TFDP1: variants seen among roughly 807,000 people sequenced by gnomAD.
TFDP1 encodes transcription factor Dp-1.
Under a neutral mutation model 48.0 loss-of-function variants are expected in TFDP1, and 6 were observed. That is an observed-to-expected ratio of 0.13 (90% confidence interval 0.07 to 0.25). The LOEUF is 0.25. Ranked by LOEUF, TFDP1 falls within the 10% of genes least tolerant of loss-of-function variation. The pLI, the probability that TFDP1 is intolerant of heterozygous loss-of-function variation, is 1.00. For missense variants in TFDP1, 335 were observed against 543.0 expected (o/e 0.62, Z 3.81); for synonymous variants, 201 against 211.6 (o/e 0.95, Z 0.44).
intron 4 of TFDP1, among the ~76,000 whole-genome samples, chr13:113,625,071 C>T (rs1259249373): frequency 2.3e-5 from 3 of 128,036 alleles, no homozygotes; most frequent in African/African-American, 9.2e-5. Context: ...GTGTCTCTCA[C>T]GTGTCCTCAG....
At chr13:113,587,040 C>T (rs1055633413) in intron 2 of TFDP1, among the ~76,000 whole-genome samples, 9 of 152,196 alleles carry the variant, frequency 5.9e-5, no homozygotes, top group East Asian at 3.8e-4. Context: ...GGTTAGAGCA[C>T]GCTTCTGGTG....
intron 2 of TFDP1, among the ~76,000 whole-genome samples, chr13:113,588,102 G>A (rs756262857): frequency 2.0e-5 from 3 of 152,044 alleles, no homozygotes; most frequent in African/African-American, 7.2e-5. Flanking sequence ...CACCCACCTC[G>A]GCCTCCCAAA....
Position 113,633,065 on chromosome 13 carries a change from A to G in TFDP1, c.309-55A>G. The G allele has an allele frequency of 6.2e-7, 1 of 1,606,938 alleles. No homozygotes were observed. Among genetic ancestry groups the G allele is most frequent in the Middle Eastern group, 1.7e-4 (1 of 6,028 alleles). On this transcript the variant is annotated intron_variant, in intron 5 of 11. Transcript: ENST00000375370. This position sits in a 1 kb window ranked among gnomAD's most constrained non-coding sequence, Gnocchi z 4.5. ...CTCAGGTAAAAGCATTCCTCGATTC[A>G]GGCTGATCCTCAGGAGGGCTGACAG...
intron 2 of TFDP1, among the ~76,000 whole-genome samples, chr13:113,595,345 G>T (rs191003085): frequency 1.9e-4 from 29 of 152,316 alleles, no homozygotes; most frequent in South Asian, 1.5e-3. Flanking sequence ...GAACATAAAA[G>T]ACATCTCAGG....
intron 2 of TFDP1, among the ~76,000 whole-genome samples, chr13:113,597,596 A>C (rs2048317373): frequency 6.6e-6 from 1 of 152,238 alleles, no homozygotes; most frequent in Non-Finnish European, 1.5e-5. Context: ...CCCTCCCTAC[A>C]GGGCAGTGAG....
In TFDP1 at chr13:113,623,207, C is replaced by A; in HGVS notation, c.107C>A (p.Pro36His). 1.2e-6 allele frequency: 2 copies of A among 1,613,582 alleles called. No individual in the cohort carries two copies. The highest frequency in any genetic ancestry group is 8.5e-7 in the Non-Finnish European group (1 of 1,179,762). Residue 36 changes from proline to histidine, a missense_variant, in exon 4 of 12, where the codon CCC (proline) becomes CAC (histidine). Coordinates refer to ENST00000375370, the MANE Select transcript of TFDP1 (RefSeq NM_007111.5). This position sits in a 1 kb window ranked among gnomAD's most constrained non-coding sequence, Gnocchi z 5.2. ...KGVVSLVAVH[P>H]STVNPLGKQL... ...GTGGTGTCCCTCGTGGCCGTTCACC[C>A]CTCCACCGTCAACCCGCTCGGGAAG...
chr13:113,628,890 C>T (rs754375523), intron 4 of TFDP1, among the ~76,000 whole-genome samples: 58 of 152,112 alleles, frequency 3.8e-4, no homozygotes, highest in Non-Finnish European at 6.3e-4. Context: ...GAAGTGAGGC[C>T]GGGGGCCTGC....
intron 9 of TFDP1, 137 bp downstream of exon 9, chr13:113,636,265 G>T: frequency 8.0e-7 from 1 of 1,250,552 alleles, no homozygotes; most frequent in Non-Finnish European, 1.1e-6. Flanking sequence ...TCCATTGGGG[G>T]GTGGTGGGAG....
chr13:113,586,089 G>A (rs2047996424), intron 2 of TFDP1: 2 of 413,006 alleles, frequency 4.8e-6, no homozygotes, highest in East Asian at 6.9e-5. Context: ...TGATGGGGTG[G>A]TGCCTTCTGA....
chr13:113,590,941 C>T (rs1233845277), intron 2 of TFDP1, among the ~76,000 whole-genome samples: 2 of 129,292 alleles, frequency 1.5e-5, no homozygotes, highest in Non-Finnish European at 3.1e-5. Flanking sequence ...ACTCGGGAGG[C>T]GGAGCTTGCA....
At chr13:113,595,994 ATGGT>A (rs2048280536) in intron 2 of TFDP1, among the ~76,000 whole-genome samples, 2 of 152,202 alleles carry the variant, frequency 1.3e-5, no homozygotes, top group Non-Finnish European at 2.9e-5. Context: ...AGGCAGGAGA[ATGGT>A]GTGAACCCAG....
chr13:113,591,886 G>T (rs898822498), intron 2 of TFDP1, among the ~76,000 whole-genome samples: 2 of 152,174 alleles, frequency 1.3e-5, no homozygotes, highest in Non-Finnish European at 2.9e-5. Context: ...GATGATTCTG[G>T]TTGTTCGGGT....
At chr13:113,621,543 A>C (rs150698388) in intron 3 of TFDP1, among the ~76,000 whole-genome samples, 6 of 152,350 alleles carry the variant, frequency 3.9e-5, no homozygotes, top group Admixed American at 2.0e-4. Flanking sequence ...TATTACAATA[A>C]TCCTCACTCT....
At chr13:113,586,409 C>A (rs1217160945) in intron 2 of TFDP1, among the ~76,000 whole-genome samples, 1 of 152,138 alleles carries the variant, frequency 6.6e-6, no homozygotes, top group East Asian at 1.9e-4. Flanking sequence ...ACTTAGCCTG[C>A]TTTGCAGTTG....
At chr13:113,615,227 G>T (rs2048827303) in intron 3 of TFDP1, among the ~76,000 whole-genome samples, 1 of 152,210 alleles carries the variant, frequency 6.6e-6, no homozygotes, top group Non-Finnish European at 1.5e-5. Context: ...ATGCTGGTGT[G>T]AACATTTGCA....
rs1208870799 is a variant in TFDP1, at chr13:113,627,483, C to A, written c.187-4140C>A. Among the ~76,000 whole-genome samples, 1 of 152,224 alleles carries A rather than the reference C, an allele frequency of 6.6e-6. No homozygotes were observed. Among genetic ancestry groups the A allele is most frequent in the Admixed American group, 6.5e-5 (1 of 15,282 alleles). On this transcript the variant is annotated intron_variant, in intron 4 of 11. Coordinates refer to ENST00000375370, the MANE Select transcript of TFDP1 (RefSeq NM_007111.5). This position sits in a 1 kb window ranked among gnomAD's most constrained non-coding sequence, Gnocchi z 4.1. ...GCGCCACTGGCCCTGTCTCTCTGGA[C>A]ACCGCGGTTAACCTTGGTCCATCTC...
intron 3 of TFDP1, among the ~76,000 whole-genome samples, chr13:113,620,481 G>T (rs58651225): frequency 8.5e-5 from 13 of 152,230 alleles, no homozygotes; most frequent in Non-Finnish European, 1.5e-4. Context: ...AATTTTAAAA[G>T]ATGTTATCTT....
chr13:113,603,505 C>A (rs2048491683), intron 2 of TFDP1, among the ~76,000 whole-genome samples: 1 of 152,252 alleles, frequency 6.6e-6, no homozygotes, highest in Non-Finnish European at 1.5e-5. Context: ...CATTCGTAGA[C>A]CCTGTCACAG....
chr13:113,585,892 C>T (rs755850096), intron 2 of TFDP1, 43 bp downstream of exon 2: 3 of 1,588,670 alleles, frequency 1.9e-6, no homozygotes, highest in Non-Finnish European at 2.6e-6. Flanking sequence ...GTTTGCCTCG[C>T]ACTAAATTCT....
Sources: gnomAD v4.1 joint callset for allele counts (sites outside exome capture counted in the v4.1 genomes callset) on GRCh38, gnomAD v4.1.1 for gene constraint, Gnocchi (gnomAD v3.1) non-coding constraint, MANE v1.5 for transcripts, NCBI Gene and HGNC (gene_info 2026-07-23, HGNC 2026-07-21) for gene names.